Variants in CNTN6 observed in about 807,000 individuals in gnomAD.
CNTN6 encodes the protein contactin 6, also known as contactin-6.
In CNTN6, 137 loss-of-function variants were observed where a neutral mutation model predicts 122.8. That is an observed-to-expected ratio of 1.12 (90% CI 0.97 to 1.29). The LOEUF (loss-of-function observed/expected upper bound fraction) is 1.29, where lower values mean the gene tolerates loss of function less well. Among genes scored for constraint, CNTN6 ranks in the 50% most tolerant of loss-of-function variants. The pLI is 0.00. For missense variants in CNTN6, 1,634 were observed against 1,223.4 expected (o/e 1.34, Z -5.01); for synonymous variants, 570 against 426.0 (o/e 1.34, Z -4.16).
intron 22 of CNTN6, 81 bp downstream of exon 22, chr3:1,402,567 G>C: frequency 4.3e-6 from 5 of 1,167,870 alleles, no homozygotes; most frequent in Non-Finnish European, 6.0e-6. Context: ...AAACCTTCCA[G>C]TTATGGCTTA....
intron 8 of CNTN6, among the ~76,000 whole-genome samples, chr3:1,324,288 C>T (rs924867601): frequency 1.4e-5 from 2 of 147,654 alleles, no homozygotes; most frequent in Non-Finnish European, 1.5e-5. Flanking sequence ...GCAGGTTGTG[C>T]AGTAGAAAAA....
chr3:1,380,599 T>C (rs983057972), intron 17 of CNTN6, among the ~76,000 whole-genome samples: 5 of 152,170 alleles, frequency 3.3e-5, no homozygotes, highest in Middle Eastern at 3.2e-3. Flanking sequence ...GTTGGCACGC[T>C]TTTTATTTAA....
intron 7 of CNTN6, among the ~76,000 whole-genome samples, chr3:1,312,338 G>A (rs1699467173): frequency 6.7e-6 from 1 of 148,636 alleles, no homozygotes. Context: ...ATATGTATAT[G>A]TATATTTCTG....
At chr3:1,258,152 T>C (rs3772331) in intron 4 of CNTN6, among the ~76,000 whole-genome samples, 17,119 of 152,142 alleles carry the variant, frequency 0.11, 1,488 homozygotes, top group South Asian at 0.32. Context: ...AGCTGTTAGA[T>C]TGTGATTGAT....
At chr3:1,240,483 C>T (rs768709510) in intron 4 of CNTN6, among the ~76,000 whole-genome samples, 2 of 152,134 alleles carry the variant, frequency 1.3e-5, no homozygotes, top group East Asian at 1.9e-4. Flanking sequence ...ATACGACCTC[C>T]CTCCTGCAAG....
At chr3:1,273,637 A>G (rs1691784187) in intron 4 of CNTN6, among the ~76,000 whole-genome samples, 1 of 152,236 alleles carries the variant, frequency 6.6e-6, no homozygotes. Context: ...TCTGTGTGCT[A>G]TTAAACAGTT....
chr3:1,227,747 T>A, intron 3 of CNTN6, 71 bp from the exon 4 acceptor site: 1 of 1,480,500 alleles, frequency 6.8e-7, no homozygotes, highest in South Asian at 1.2e-5. Flanking sequence ...GAATTAGAAC[T>A]ACATGTTTTT....
chr3:1,325,695 G>A (rs189002947), intron 8 of CNTN6, 120 bp from the exon 9 acceptor site: 4 of 952,694 alleles, frequency 4.2e-6, no homozygotes, highest in East Asian at 5.2e-5. Flanking sequence ...AATCGTGTGT[G>A]TGCAATCCAA....
chr3:1,286,340 C>G (rs1559712635), intron 5 of CNTN6, among the ~76,000 whole-genome samples: 2 of 152,162 alleles, frequency 1.3e-5, no homozygotes, highest in Admixed American at 1.3e-4. Context: ...AATGCTATCC[C>G]TCCCTTAGCC....
Position 1,364,128 on chromosome 3 carries a change from G to A in CNTN6, c.1493-8171G>A, listed in dbSNP as rs182326510. Among the ~76,000 whole-genome samples the A allele has an allele frequency of 4.0e-3, 603 of 152,004 alleles. 6 individuals are homozygous for A. Among genetic ancestry groups the A allele is most frequent in the Middle Eastern group, 0.014 (4 of 294 alleles). On this transcript the variant is annotated intron_variant, in intron 12 of 22. Transcript: ENST00000446702. ...CCATGTATATAGAGGAAGTAATAAA[G>A]AGCAACGGAAAGGACTAATATCTTA...
chr3:1,227,934 G>T lies in CNTN6; in HGVS notation c.299G>T (p.Cys100Phe), dbSNP rs1229548680. ...GATCAAGATATTGGCATGTACCAGT[G>T]CCTGGCCACCAATCTTCTGGGGACA... The part of the protein sequence containing the change: ...HTDQDIGMYQ[C>F]LATNLLGTIL... Residue 100 changes from cysteine (C) to phenylalanine (F), a missense_variant, in exon 4 of 23, where the codon TGC (cysteine) becomes TTC (phenylalanine). Coordinates refer to ENST00000446702, the MANE Select transcript of CNTN6 (RefSeq NM_001289080.2). 4 of 1,614,004 alleles carry T rather than the reference G, an allele frequency of 2.5e-6. No individual in the cohort carries two copies. Among genetic ancestry groups the T allele is most frequent in the Non-Finnish European group, 2.5e-6 (3 of 1,179,958 alleles).
At chr3:1,201,319 AT>A (rs2093868348) in intron 2 of CNTN6, among the ~76,000 whole-genome samples, 1 of 151,824 alleles carries the variant, frequency 6.6e-6, no homozygotes, top group Non-Finnish European at 1.5e-5. Context: ...TTTCCCTATG[AT>A]TGGGTTAGCA....
chr3:1,210,406 A>C (rs1015040850), intron 2 of CNTN6, among the ~76,000 whole-genome samples: 2 of 151,582 alleles, frequency 1.3e-5, no homozygotes, highest in African/African-American at 4.9e-5. Context: ...AAGGGAAGGA[A>C]AGGGAAGGAA....
At chr3:1,394,673 TGTTA>T (rs1694762987) in intron 20 of CNTN6, among the ~76,000 whole-genome samples, 1 of 152,290 alleles carries the variant, frequency 6.6e-6, no homozygotes, top group South Asian at 2.1e-4. Context: ...AAATTAAAAG[TGTTA>T]GTTTGTGCTA....
chr3:1,289,892 T>C (rs371439884), intron 5 of CNTN6, among the ~76,000 whole-genome samples: 5 of 152,266 alleles, frequency 3.3e-5, no homozygotes, highest in African/African-American at 7.2e-5. Flanking sequence ...GCCAGGATGG[T>C]CTCGATCTCC....
chr3:1,161,366 C>T (rs2093128730), intron 2 of CNTN6, among the ~76,000 whole-genome samples: 1 of 150,764 alleles, frequency 6.6e-6, no homozygotes, highest in Non-Finnish European at 1.5e-5. Flanking sequence ...GCAACTGAAG[C>T]TTAGCTAGAG....
chr3:1,275,677 T>C (rs753931696), intron 4 of CNTN6, among the ~76,000 whole-genome samples: 1 of 152,118 alleles, frequency 6.6e-6, no homozygotes, highest in Non-Finnish European at 1.5e-5. Context: ...TTGGGGGTGA[T>C]GGGAGACAGT....
rs577886498 is a variant in CNTN6, at chr3:1,255,924, G to A, written c.359-22489G>A. ...GCTCTGTCATCCAGGCTTGAGTACA[G>A]TGGAGAGATCAAGACTAACCACAAT... On this transcript the variant is annotated intron_variant, in intron 4 of 22. Coordinates refer to ENST00000446702, the MANE Select transcript of CNTN6 (RefSeq NM_001289080.2). 2.8e-4 allele frequency among the ~76,000 whole-genome samples: 43 copies of A among 152,122 alleles called. No individual in the cohort carries two copies. The South Asian group carries it at 8.7e-3, about 31-fold the overall frequency.
chr3:1,233,853 AG>A (rs2094389008), intron 4 of CNTN6, among the ~76,000 whole-genome samples: 1 of 151,918 alleles, frequency 6.6e-6, no homozygotes, highest in Non-Finnish European at 1.5e-5. Context: ...ACACATACTT[AG>A]GGGGCATCCC....
Sources: gnomAD v4.1 joint callset for allele counts (sites outside exome capture counted in the v4.1 genomes callset) on GRCh38, gnomAD v4.1.1 for gene constraint, MANE v1.5 for transcripts, NCBI Gene and HGNC (gene_info 2026-07-23, HGNC 2026-07-21) for gene names.